The following UPP2 variants were observed in gnomAD, a reference collection of about 807,000 sequenced individuals.
UPP2 encodes uridine phosphorylase 2, also known as UPase 2.
In UPP2, 23 loss-of-function variants were observed where a neutral mutation model predicts 26.7. The ratio of observed to expected loss-of-function variants is 0.86; its 90% confidence interval spans 0.62 to 1.22. The LOEUF (loss-of-function observed/expected upper bound fraction) is 1.22, where lower values mean the gene tolerates loss of function less well. UPP2 is among the 50% of genes most tolerant of loss of function. The pLI, the probability that UPP2 is intolerant of heterozygous loss-of-function variation, is 0.00. For missense variants in UPP2, 387 were observed against 396.7 expected (o/e 0.98, Z 0.21); for synonymous variants, 127 against 141.3 (o/e 0.90, Z 0.72).
rs878988619 is a variant in UPP2 at position 158,134,689 on chromosome 2, T to C, written c.812-59T>C. 117 of 1,506,458 alleles carry C rather than the reference T, an allele frequency of 7.8e-5. 2 individuals are homozygous for C. In the South Asian group the frequency reaches 1.4e-3, roughly 18 times the overall value. 93.3% of individuals were successfully genotyped at this position (1,506,458 alleles called of 1,614,324 possible). ...TAGGGATGCTGGTGTGTTTGGCTAA[T>C]GCTTCTATAGAAAAGATGAACCCAT... On this transcript the variant is annotated intron_variant, in intron 6 of 6. Transcript: ENST00000005756.
At chr2:158,075,804 C>A (rs1271470239) in intron 3 of UPP2, among the ~76,000 whole-genome samples, 1 of 150,866 alleles carries the variant, frequency 6.6e-6, no homozygotes, top group Non-Finnish European at 1.5e-5. Context: ...GCAAACTAAA[C>A]CCAAAATTAT....
chr2:158,036,757 C>A (rs1684007734), intron 3 of UPP2, among the ~76,000 whole-genome samples: 1 of 152,124 alleles, frequency 6.6e-6, no homozygotes, highest in Non-Finnish European at 1.5e-5. Flanking sequence ...AGTTATCTGT[C>A]CCTGTGGGCA....
intron 3 of UPP2, among the ~76,000 whole-genome samples, chr2:158,024,023 A>G (rs1176194039): frequency 6.6e-6 from 1 of 152,208 alleles, no homozygotes; most frequent in Non-Finnish European, 1.5e-5. Context: ...TAGCATTGTT[A>G]GAACTTGAAT....
intron 6 of UPP2, among the ~76,000 whole-genome samples, chr2:158,129,502 T>C (rs13007885): frequency 0.034 from 5,113 of 152,102 alleles, 144 homozygotes; most frequent in East Asian, 0.14. Flanking sequence ...GAGAGTGTAA[T>C]TGACCTGCCT....
At chr2:158,052,217 T>C (rs1345067827) in intron 3 of UPP2, among the ~76,000 whole-genome samples, 1 of 152,150 alleles carries the variant, frequency 6.6e-6, no homozygotes, top group Non-Finnish European at 1.5e-5. Context: ...TGGGAACATG[T>C]CACCTGAAGG....
At chr2:158,101,313 TTATTA>T (rs1683071314), upstream of UPP2, among the ~76,000 whole-genome samples, 1 of 152,260 alleles carries the variant, frequency 6.6e-6, no homozygotes, top group South Asian at 2.1e-4. Context: ...CTATGCTGTA[TTATTA>T]TTCCATGTGG....
chr2:158,109,582 G>A (rs552933875), intron 2 of UPP2, among the ~76,000 whole-genome samples: 1 of 152,166 alleles, frequency 6.6e-6, no homozygotes, highest in African/African-American at 2.4e-5. Context: ...CTCCTTGTAG[G>A]ATGGGAGATT....
At chr2:158,074,366 T>C (rs1324541903) in intron 3 of UPP2, among the ~76,000 whole-genome samples, 1 of 152,122 alleles carries the variant, frequency 6.6e-6, no homozygotes, top group Non-Finnish European at 1.5e-5. Flanking sequence ...TAACACCTTT[T>C]CAAGACATAG....
intron 3 of UPP2, among the ~76,000 whole-genome samples, chr2:158,067,238 C>T (rs1019058816): frequency 2.6e-5 from 4 of 151,754 alleles, no homozygotes; most frequent in African/African-American, 7.3e-5. Flanking sequence ...TTAGTTCAAC[C>T]ATATATTTAT....
chr2:158,003,299 C>T (rs1197502450), intron 2 of UPP2, among the ~76,000 whole-genome samples: 1 of 152,108 alleles, frequency 6.6e-6, no homozygotes, highest in African/African-American at 2.4e-5. Context: ...GGAGGAGGAA[C>T]ATTCCTGCCA....
chr2:158,001,496 GCTCCC>G (rs1052467267), intron 2 of UPP2, among the ~76,000 whole-genome samples: 3 of 152,046 alleles, frequency 2.0e-5, no homozygotes, highest in African/African-American at 7.2e-5. Flanking sequence ...GATCTCCAAT[GCTCCC>G]CATGGGGTGA....
At chr2:158,018,291 G>T (rs952930172) in intron 3 of UPP2, among the ~76,000 whole-genome samples, 1 of 152,216 alleles carries the variant, frequency 6.6e-6, no homozygotes, top group Non-Finnish European at 1.5e-5. Context: ...GAATTCAGAA[G>T]TCTTATTAAG....
At chr2:158,118,576 T>C (rs1210706706) in intron 4 of UPP2, among the ~76,000 whole-genome samples, 2 of 151,970 alleles carry the variant, frequency 1.3e-5, no homozygotes, top group Admixed American at 6.6e-5. Flanking sequence ...TGATGAAGTT[T>C]TGAGGTTTCC....
At chr2:158,028,542 T>A (rs968393460) in intron 3 of UPP2, among the ~76,000 whole-genome samples, 3 of 152,224 alleles carry the variant, frequency 2.0e-5, no homozygotes, top group African/African-American at 7.2e-5. Context: ...TATTTTCCTG[T>A]CTTCTTCTGA....
chr2:158,020,415 A>T (rs576241193), intron 3 of UPP2, among the ~76,000 whole-genome samples: 1 of 152,320 alleles, frequency 6.6e-6, no homozygotes, highest in South Asian at 2.1e-4. Context: ...CATGATGATG[A>T]TCAGCTCCAT....
intron 3 of UPP2, among the ~76,000 whole-genome samples, chr2:158,089,801 G>A (rs1269663303): frequency 6.6e-6 from 1 of 152,190 alleles, no homozygotes; most frequent in Non-Finnish European, 1.5e-5. Flanking sequence ...AAGGGTATAT[G>A]TTTGGGGGCA....
chr2:158,075,077 C>T (rs931278681), intron 3 of UPP2, among the ~76,000 whole-genome samples: 13 of 151,858 alleles, frequency 8.6e-5, no homozygotes, highest in Non-Finnish European at 1.5e-4. Context: ...GAGAAAATAA[C>T]AATTATAAAT....
At chr2:158,114,144 CA>C (rs1683374305) in intron 2 of UPP2, among the ~76,000 whole-genome samples, 1 of 152,172 alleles carries the variant, frequency 6.6e-6, no homozygotes, top group South Asian at 2.1e-4. Context: ...TACCTAACCT[CA>C]AAGGGCAGAC....
chr2:158,007,988 G>A (rs1320014436), intron 2 of UPP2, among the ~76,000 whole-genome samples: 1 of 152,100 alleles, frequency 6.6e-6, no homozygotes, highest in Non-Finnish European at 1.5e-5. Flanking sequence ...TAAAATAAAA[G>A]CAATCAATTT....
Sources: gnomAD v4.1 joint callset for allele counts (sites outside exome capture counted in the v4.1 genomes callset) on GRCh38, gnomAD v4.1.1 for gene constraint, MANE v1.5 for transcripts, NCBI Gene and HGNC (gene_info 2026-07-23, HGNC 2026-07-21) for gene names.